EML1: variants seen among roughly 807,000 people sequenced by gnomAD.
EML1 encodes the protein echinoderm microtubule-associated protein-like 1.
In EML1, 27 loss-of-function variants were observed where a neutral mutation model predicts 110.4. The observed-to-expected ratio is 0.24, with a 90% CI of 0.18 to 0.34. The LOEUF (loss-of-function observed/expected upper bound fraction) is 0.34, where lower values mean the gene tolerates loss of function less well. EML1 is among the 10% of genes least tolerant of loss of function. EML1 has a pLI of 1.00. For synonymous variants in EML1, 344 were observed against 385.8 expected, an observed-to-expected ratio of 0.89 and a Z score of 1.27; for missense variants, 741 against 1,030.9, an observed-to-expected ratio of 0.72 and a Z score of 3.85.
At chr14:99,850,252 T>C (rs769038235) in intron 1 of EML1, 115 of 1,272,440 alleles carry the variant, frequency 9.0e-5, no homozygotes, top group Middle Eastern at 6.4e-4. Context: ...GGAAGAATGA[T>C]GTACAATGAG....
chr14:99,744,563 T>C (rs1177977385), intron 1 of EML1, among the ~76,000 whole-genome samples: 2 of 152,192 alleles, frequency 1.3e-5, no homozygotes, highest in African/African-American at 4.8e-5. Flanking sequence ...TCTTTGTTTG[T>C]TTTTCAAGTA....
At chr14:99,910,429 C>T in intron 12 of EML1, 88 bp downstream of exon 12, 3 of 1,031,090 alleles carry the variant, frequency 2.9e-6, no homozygotes, top group Non-Finnish European at 4.4e-6. Context: ...TCTATTAATA[C>T]AACGTACAGG....
intron 13 of EML1, among the ~76,000 whole-genome samples, chr14:99,913,157 T>A (rs2059972942): frequency 2.5e-5 from 2 of 78,854 alleles, no homozygotes; most frequent in South Asian, 5.7e-4. Flanking sequence ...AGTTGTATTA[T>A]GGCAGTGTTA....
chr14:99,745,168 C>A (rs754807734), intron 1 of EML1, among the ~76,000 whole-genome samples: 1 of 152,076 alleles, frequency 6.6e-6, no homozygotes, highest in Non-Finnish European at 1.5e-5. Context: ...CGGGTTTAAG[C>A]GATTCTCCTG....
intron 1 of EML1, chr14:99,850,343 A>G (rs1566897286): frequency 1.6e-6 from 2 of 1,289,104 alleles, no homozygotes; most frequent in Non-Finnish European, 2.0e-6. Flanking sequence ...GTAAGAAAAT[A>G]TGATTACCAT....
At chr14:99,797,043 A>G (rs962946070) in intron 1 of EML1, among the ~76,000 whole-genome samples, 4 of 151,818 alleles carry the variant, frequency 2.6e-5, no homozygotes, top group Admixed American at 1.3e-4. Flanking sequence ...AGTTGTTACC[A>G]CTCTCTGATT....
At chr14:99,754,474 G>C (rs1468201400) in intron 1 of EML1, among the ~76,000 whole-genome samples, 1 of 152,224 alleles carries the variant, frequency 6.6e-6, no homozygotes, top group East Asian at 1.9e-4. Context: ...CAGCCTGCCT[G>C]GCTCCCTGTG....
intron 1 of EML1, among the ~76,000 whole-genome samples, chr14:99,829,852 C>T (rs866808322): frequency 4.6e-5 from 7 of 152,184 alleles, no homozygotes; most frequent in Admixed American, 2.0e-4. Context: ...AAATAATATT[C>T]GATTATATGG....
chr14:99,752,713 A>G (rs1293846089), intron 1 of EML1, among the ~76,000 whole-genome samples: 1 of 152,146 alleles, frequency 6.6e-6, no homozygotes, highest in African/African-American at 2.4e-5. Context: ...TTCAGGGGCC[A>G]ATGGTCTTCC....
chr14:99,833,318 T>TA (rs2058490441), intron 1 of EML1, among the ~76,000 whole-genome samples: 1 of 152,214 alleles, frequency 6.6e-6, no homozygotes, highest in East Asian at 1.9e-4. Context: ...CAGTTGCCCA[T>TA]AAAGGTATCG....
chr14:99,928,947 A>G (rs1018408653), intron 17 of EML1, among the ~76,000 whole-genome samples: 1 of 152,134 alleles, frequency 6.6e-6, no homozygotes, highest in African/African-American at 2.4e-5. Context: ...AGTGTTCTGC[A>G]TCTTATCTTG....
intron 1 of EML1, among the ~76,000 whole-genome samples, chr14:99,747,066 T>G (rs990390941): frequency 1.3e-5 from 2 of 151,450 alleles, no homozygotes; most frequent in Non-Finnish European, 2.9e-5. Context: ...CGGGCACCTG[T>G]AGTCCCAGCT....
At chr14:99,741,796 G>T (rs192693649) in intron 1 of EML1, among the ~76,000 whole-genome samples, 1 of 152,136 alleles carries the variant, frequency 6.6e-6, no homozygotes, top group Non-Finnish European at 1.5e-5. Context: ...TCTCTGAGGT[G>T]GGGGGGCCTG....
Position 99,793,555 on chromosome 14 carries a change from C to T in EML1, c.67+12C>T, listed in dbSNP as rs1315352023. 9.8e-7 allele frequency: 1 copy of T among 1,015,954 alleles called. No individual in the cohort carries two copies. Among genetic ancestry groups the T allele is most frequent in the Non-Finnish European group, 1.2e-6 (1 of 848,214 alleles). 62.9% of individuals were successfully genotyped at this position (1,015,954 alleles called of 1,614,324 possible). A position where few individuals can be genotyped will look rare whatever the true frequency, so the allele number is the denominator to read the frequency against. On this transcript the variant is annotated intron_variant, in intron 1 of 21. Coordinates refer to ENST00000262233, the MANE Select transcript of EML1 (RefSeq NM_004434.3). ...CCAGTTCTGCAACGGTGAGGGGCGG[C>T]CGCGCGGGGCCGGGGCGGCGAGCGG...
intron 8 of EML1, among the ~76,000 whole-genome samples, chr14:99,899,674 A>G (rs1272188010): frequency 6.6e-6 from 1 of 151,784 alleles, no homozygotes; most frequent in African/African-American, 2.4e-5. Flanking sequence ...TCAGACCACT[A>G]TTATGTAAAT....
chr14:99,782,333 T>C (rs12433616), intron 1 of EML1, among the ~76,000 whole-genome samples: 16 of 152,256 alleles, frequency 1.1e-4, no homozygotes, highest in Admixed American at 2.6e-4. Flanking sequence ...TTTCCTTACA[T>C]GCAAGGTGCA....
At chr14:99,768,716 TC>T (rs2057392100), upstream of EML1, among the ~76,000 whole-genome samples, 1 of 147,960 alleles carries the variant, frequency 6.8e-6, no homozygotes, top group Non-Finnish European at 1.5e-5. Context: ...GCTTCTGTGG[TC>T]TTTTTTTTTT....
At chr14:99,808,134 G>A (rs1184321515) in intron 1 of EML1, among the ~76,000 whole-genome samples, 2 of 152,130 alleles carry the variant, frequency 1.3e-5, no homozygotes, top group East Asian at 1.9e-4. Context: ...GATCACTGCT[G>A]GTTTCCCTCT....
rs140965615 is a variant in EML1, at chr14:99,842,899, C to T, written c.68-7954C>T. Among the ~76,000 whole-genome samples the T allele has an allele frequency of 1.1e-4, 17 of 152,260 alleles. No individual in the cohort carries two copies. The East Asian group carries it at 1.2e-3, about 10-fold the overall frequency. ...AATGTGCTTGAGTCCCAGCAGTGAG[C>T]GTGTGTGCCTTCTCTAGAAGCTGCT... On this transcript the variant is annotated intron_variant, in intron 1 of 21. Transcript: ENST00000262233.
Sources: allele counts gnomAD v4.1 joint callset (sites outside exome capture counted in the v4.1 genomes callset), GRCh38; gene constraint gnomAD v4.1.1; transcripts MANE v1.5; gene names NCBI Gene and HGNC (gene_info 2026-07-23, HGNC 2026-07-21).